LARP4B: variants seen among roughly 807,000 people sequenced by gnomAD.
LARP4B encodes the protein la-related protein 4B.
A neutral mutation model predicts 89.8 loss-of-function variants in LARP4B; 12 were observed. The ratio of observed to expected loss-of-function variants is 0.13; its 90% CI spans 0.09 to 0.22. LARP4B has a LOEUF of 0.22. Among genes scored for constraint, LARP4B ranks in the 10% least tolerant of loss-of-function variants. The pLI is 1.00. For synonymous variants in LARP4B, 367 were observed against 363.3 expected, an observed-to-expected ratio of 1.01 and a Z score of -0.12; for missense variants, 757 against 947.7, an observed-to-expected ratio of 0.80 and a Z score of 2.64.
At chr10:815,185 G>C in intron 15 of LARP4B, 115 bp from the exon 16 acceptor site, 1 of 1,266,844 alleles carries the variant, frequency 7.9e-7, no homozygotes, top group Non-Finnish European at 1.1e-6. Flanking sequence ...AAGGACATAG[G>C]GGAAGAGGGT....
rs147982100 is a variant in LARP4B at position 863,817 on chromosome 10, G to A, written c.356C>T (p.Ser119Leu). The A allele has an allele frequency of 1.4e-4, 232 of 1,614,096 alleles. No homozygotes were observed. The African/African-American group carries it at 2.7e-3, about 19-fold the overall frequency. The stretch of plus-strand genomic sequence containing the variant: ...GAGAGCGTTCATGTCTGCTGGGTCC[G>A]ACTCCTGCGGGTCTGGCAATGCGGC... Reference protein sequence around the residue: ...ENAALPDPQESDPADMNALAL... With the variant: ...ENAALPDPQELDPADMNALAL... The change falls in exon 5 of 18, where the codon TCG becomes TTG. Residue 119 changes from serine (S) to leucine (L), a missense_variant. Coordinates refer to ENST00000316157, the MANE Select transcript of LARP4B (RefSeq NM_015155.3).
At chr10:970,694 G>A in the LARP4B span, among the ~76,000 whole-genome samples, 13 of 152,134 alleles carry the variant, frequency 8.5e-5, no homozygotes, top group African/African-American at 2.7e-4. Flanking sequence ...GGTCAGAGGT[G>A]TTGTTTTCTT....
At chr10:862,204 A>G (rs1005411403) in intron 5 of LARP4B, among the ~76,000 whole-genome samples, 1 of 148,640 alleles carries the variant, frequency 6.7e-6, no homozygotes, top group Non-Finnish European at 1.5e-5. Flanking sequence ...CTTTATAAAT[A>G]CTTGATTCAT....
chr10:912,914 C>A (rs567349271), intron 1 of LARP4B, among the ~76,000 whole-genome samples: 1 of 152,064 alleles, frequency 6.6e-6, no homozygotes, highest in Non-Finnish European at 1.5e-5. Flanking sequence ...CTATCCTGAA[C>A]CTCTTTATAA....
intron 2 of LARP4B, among the ~76,000 whole-genome samples, chr10:884,739 A>G (rs868756550): frequency 6.6e-6 from 1 of 152,226 alleles, no homozygotes; most frequent in Non-Finnish European, 1.5e-5. Context: ...AAGAAAAGCT[A>G]CTTTGCTCAA....
intron 8 of LARP4B, among the ~76,000 whole-genome samples, chr10:833,239 T>C (rs993963793): frequency 9.9e-6 from 1 of 100,742 alleles, no homozygotes; most frequent in Non-Finnish European, 1.8e-5. Flanking sequence ...TAACGATAGC[T>C]GATGAGCTTT....
chr10:842,999 C>T lies in LARP4B; in HGVS notation c.579G>A (p.Thr193=), dbSNP rs143828396. The change falls in exon 7 of 18, where the codon ACG becomes ACA. Residue 193 remains threonine (T), a synonymous_variant. Coordinates refer to ENST00000316157, the MANE Select transcript of LARP4B (RefSeq NM_015155.3). ...MDSDQYVPIT[T]VANLDHIKKL... ...TCTTGATGTGGTCGAGGTTAGCCAC[C>T]GTTGTGATTGGCACATACTGGTCAC... The T allele has an allele frequency of 4.8e-5, 77 of 1,614,038 alleles. 1 individual carries two copies. In the African/African-American group the frequency reaches 4.9e-4, roughly 10 times the overall value.
intron 3 of LARP4B, chr10:873,412 T>C (rs1306639779): frequency 3.0e-6 from 3 of 985,076 alleles, no homozygotes; most frequent in African/African-American, 1.7e-5. Flanking sequence ...CTGCGCTGTA[T>C]TTTTTCTTAC....
chr10:871,321 A>T (rs1835187401), intron 3 of LARP4B, among the ~76,000 whole-genome samples: 1 of 152,168 alleles, frequency 6.6e-6, no homozygotes, highest in African/African-American at 2.4e-5. Flanking sequence ...ATCTGGAGTG[A>T]CTGGGAGACT....
chr10:836,566 G>T (rs1833230343), intron 7 of LARP4B, 60 bp from the exon 8 acceptor site: 1 of 1,094,404 alleles, frequency 9.1e-7, no homozygotes, highest in African/African-American at 1.6e-5. Flanking sequence ...TATGCCAGTG[G>T]AATGTGTTAC....
intron 1 of LARP4B, among the ~76,000 whole-genome samples, chr10:900,763 G>A (rs1176431479): frequency 3.3e-5 from 5 of 150,286 alleles, no homozygotes; most frequent in Non-Finnish European, 5.9e-5. Flanking sequence ...GGGACTACAG[G>A]TGCACGCCAC....
the LARP4B span, among the ~76,000 whole-genome samples, chr10:952,513 T>A: frequency 8.3e-5 from 8 of 96,268 alleles, no homozygotes; most frequent in East Asian, 3.1e-4. Context: ...ACAGACAACC[T>A]TTAAAAGGAA....
chr10:838,119 G>A (rs780067005), intron 7 of LARP4B, among the ~76,000 whole-genome samples: 11 of 152,130 alleles, frequency 7.2e-5, no homozygotes, highest in Non-Finnish European at 1.2e-4. Flanking sequence ...TGCAGACCTG[G>A]CACCACCATT....
rs917072426 is a variant in LARP4B at position 928,585 on chromosome 10, T to C, written c.-40+2843A>G. On this transcript the variant is annotated intron_variant, in intron 1 of 17. Transcript: ENST00000316157. ...TAACAATTTGATGTCCCAATTTGCA[T>C]GTTTTGGGGGTGGGGGGAGACAAGG... Among the ~76,000 whole-genome samples, 3 of 152,018 alleles carry C rather than the reference T, an allele frequency of 2.0e-5. No individual in the cohort carries two copies. The East Asian group carries it at 5.8e-4, about 29-fold the overall frequency.
the LARP4B span, among the ~76,000 whole-genome samples, chr10:974,415 T>C: frequency 6.6e-6 from 1 of 152,174 alleles, no homozygotes; most frequent in African/African-American, 2.4e-5. Context: ...CCGTGGCAAA[T>C]GCGTCTGAGT....
chr10:831,011 C>CAA, intron 8 of LARP4B, 34 bp from the exon 9 acceptor site: 4 of 866,698 alleles, frequency 4.6e-6, no homozygotes, highest in Non-Finnish European at 7.4e-6. Flanking sequence ...AATTAATTCT[C>CAA]AACAATGTCA....
At chr10:945,359 G>A in the LARP4B span, among the ~76,000 whole-genome samples, 5 of 149,874 alleles carry the variant, frequency 3.3e-5, no homozygotes, top group African/African-American at 9.9e-5. Context: ...CCTCCAGCCT[G>A]GGTGACAGAG....
chr10:868,378 TAAAAAAA>T (rs35215345), intron 3 of LARP4B, among the ~76,000 whole-genome samples: 2 of 123,462 alleles, frequency 1.6e-5, no homozygotes, highest in Non-Finnish European at 3.4e-5. Context: ...AAGATTTGCT[TAAAAAAA>T]AAAAAAAAAA....
intron 5 of LARP4B, among the ~76,000 whole-genome samples, chr10:847,579 C>T (rs1013945361): frequency 5.3e-5 from 8 of 151,646 alleles, no homozygotes; most frequent in South Asian, 4.2e-4. Context: ...AGTGCAGTAG[C>T]GCGATCTTGC....
Sources: gnomAD v4.1 joint callset for allele counts (sites outside exome capture counted in the v4.1 genomes callset) on GRCh38, gnomAD v4.1.1 for gene constraint, MANE v1.5 for transcripts, NCBI Gene and HGNC (gene_info 2026-07-23, HGNC 2026-07-21) for gene names.